The following NBEAL2 variants were observed in gnomAD, a reference collection of about 807,000 sequenced individuals.
NBEAL2 encodes the protein neurobeachin like 2.
NBEAL2 carries 160 observed loss-of-function variants against 299.8 expected under a neutral mutation model. That is an observed-to-expected ratio of 0.53 (90% CI 0.47 to 0.61). The LOEUF (loss-of-function observed/expected upper bound fraction) is 0.61. Ranked by LOEUF, NBEAL2 falls within the 20% of genes least tolerant of loss-of-function variation. NBEAL2 has a pLI of 0.00. For synonymous variants in NBEAL2, 1,493 were observed against 1,542.3 expected, an observed-to-expected ratio of 0.97 and a Z score of 0.75; for missense variants, 3,112 against 3,649.0, an observed-to-expected ratio of 0.85 and a Z score of 3.79.
In NBEAL2 at chr3:46,989,586, C is replaced by G; in HGVS notation, c.549C>G (p.Phe183Leu). The change falls in exon 6 of 54, where the codon TTC (phenylalanine) becomes TTG (leucine). Residue 183 changes from phenylalanine to leucine, a missense_variant. By Grantham distance (22) the Phe-to-Leu change is conservative. Coordinates refer to ENST00000450053, the MANE Select transcript of NBEAL2 (RefSeq NM_015175.3). This position sits in a 1 kb window ranked among gnomAD's most constrained non-coding sequence, Gnocchi z 5.5. ...PAALPQEFSAFFQESLQNADH... is the reference protein window; with the variant it reads ...PAALPQEFSALFQESLQNADH... ...CTTTGCCCCAGGAATTCAGCGCCTT[C>G]TTCCAAGGTCAGGCCCCGCCCCTGC... 6.3e-7 allele frequency: 1 copy of G among 1,589,458 alleles called. No individual in the cohort carries two copies. The highest frequency in any genetic ancestry group is 2.3e-5 in the East Asian group (1 of 43,570).
chr3:46,991,383 C>A lies in NBEAL2; in HGVS notation c.643-23C>A. 6.3e-7 allele frequency: 1 copy of A among 1,590,670 alleles called. No homozygotes were observed. The highest frequency in any genetic ancestry group is 8.6e-7 in the Non-Finnish European group (1 of 1,167,866). On this transcript the variant is annotated intron_variant, in intron 7 of 53. Transcript: ENST00000450053. The surrounding 1 kb of genome is among the most constrained non-coding windows in gnomAD (Gnocchi z 6.2). ...TGCTGGGTGAGCCCCTTGCCCACTG[C>A]CCATCTCTGTCCACACCTGCAGGAG...
intron 12 of NBEAL2, 65 bp from the exon 13 acceptor site, chr3:46,994,967 C>A: frequency 6.8e-7 from 1 of 1,475,334 alleles, no homozygotes; most frequent in Non-Finnish European, 9.0e-7. Flanking sequence ...TAAATGGAGC[C>A]AGAAAGTCCC....
intron 32 of NBEAL2, 26 bp from the exon 33 acceptor site, chr3:47,002,619 G>A (rs1293354316): frequency 8.1e-6 from 13 of 1,608,134 alleles, no homozygotes; most frequent in Non-Finnish European, 1.1e-5. Flanking sequence ...AGCAGCCAGG[G>A]GACTGACCTA....
chr3:47,005,984 C>T lies in NBEAL2; in HGVS notation c.6840C>T (p.Ile2280=), dbSNP rs200347383. ...TGTCTGCACACCTACACGAGTGGAT[C>T]GACCTCATCTTTGGCTACAAGCAGC... The part of the protein sequence containing the change: ...EYVSAHLHEW[I]DLIFGYKQRG... Residue 2280 remains isoleucine, a synonymous_variant, in exon 43 of 54, where the codon ATC becomes ATT. Coordinates refer to ENST00000450053, the MANE Select transcript of NBEAL2 (RefSeq NM_015175.3). 28 of 1,613,740 alleles carry T rather than the reference C, an allele frequency of 1.7e-5. No individual in the cohort carries two copies. The East Asian group carries it at 3.1e-4, about 18-fold the overall frequency.
At position 46,989,002 on chromosome 3, in the gene NBEAL2, C is replaced by T. The variant is rs1363199411; in HGVS notation, c.269+32C>T. On this transcript the variant is annotated intron_variant, in intron 3 of 53. Transcript: ENST00000450053. The surrounding 1 kb of genome is among the most constrained non-coding windows in gnomAD (Gnocchi z 5.5). ...CTGTTGTCCACTCTACAAGCAGGGG[C>T]CTAGAACTGTGGGCCAGAGGGAGAG... 3 of 1,612,370 alleles carry T rather than the reference C, an allele frequency of 1.9e-6. No homozygotes were observed. The South Asian group carries it at 3.3e-5, about 18-fold the overall frequency.
chr3:46,980,055 G>A (rs1316269395), intron 1 of NBEAL2, 143 bp downstream of exon 1: 7 of 158,064 alleles, frequency 4.4e-5, no homozygotes, highest in Non-Finnish European at 2.8e-5. Flanking sequence ...GCATGCTCCG[G>A]CTCCGCACAC....
In NBEAL2 at chr3:47,004,817, G is replaced by A. The variant is rs572128028; in HGVS notation, c.6295-155G>A. Reference sequence around the variant, plus strand: ...TTCCTCAAAAGGAATCCTGTTCCAGGACACTCTGTCCTTCTCCCCTGTGAC... The same window carrying A: ...TTCCTCAAAAGGAATCCTGTTCCAGAACACTCTGTCCTTCTCCCCTGTGAC... On this transcript the variant is annotated intron_variant, in intron 38 of 53. Coordinates refer to ENST00000450053, the MANE Select transcript of NBEAL2 (RefSeq NM_015175.3). This position sits in a 1 kb window ranked among gnomAD's most constrained non-coding sequence, Gnocchi z 5.0. 6.6e-6 allele frequency: 8 copies of A among 1,212,372 alleles called. No individual in the cohort carries two copies. In the East Asian group the frequency reaches 1.5e-4, roughly 23 times the overall value. 75.1% of individuals were successfully genotyped at this position (1,212,372 alleles called of 1,614,324 possible).
In NBEAL2 at chr3:47,007,655, C is replaced by A. The variant is rs774585045; in HGVS notation, c.7465C>A (p.Leu2489Ile). Residue 2489 changes from leucine to isoleucine, a missense_variant, in exon 48 of 54, where the codon CTA (leucine) becomes ATA (isoleucine). Physicochemically the swap from Leu to Ile is conservative, Grantham distance 5. This residue lies in a region of NBEAL2 where 348 missense variants were observed against 381.4 expected (regional missense o/e 0.91). Transcript: ENST00000450053. ...HWDGSLRVTA[L>I]PRGKLLSQLS... ...GGATGGCAGCCTGCGGGTGACTGCA[C>A]TACCCCGTGGCAAGCTGTTGAGCCA... 3 of 1,610,954 alleles carry A rather than the reference C, an allele frequency of 1.9e-6. No individual in the cohort carries two copies. The highest frequency in any genetic ancestry group is 2.5e-6 in the Non-Finnish European group (3 of 1,178,842).
Position 46,999,317 on chromosome 3 carries a change from C to G in NBEAL2, c.3546C>G (p.Ile1182Met). Reference protein sequence around the residue: ...LPLLPDRVCKILRRLQQNERL... With the variant: ...LPLLPDRVCKMLRRLQQNERL... ...GTCCTCCGATGACCCCCACACAGAT[C>G]CTGCGCAGACTGCAGCAGAATGAGC... Residue 1182 changes from isoleucine to methionine, a missense_variant and splice_region_variant, in exon 25 of 54, where the codon ATC becomes ATG. Physicochemically the swap from Ile to Met is conservative, Grantham distance 10. Coordinates refer to ENST00000450053, the MANE Select transcript of NBEAL2 (RefSeq NM_015175.3). The G allele has an allele frequency of 6.2e-7, 1 of 1,607,906 alleles. No individual in the cohort carries two copies. The highest frequency in any genetic ancestry group is 8.5e-7 in the Non-Finnish European group (1 of 1,177,006).
intron 20 of NBEAL2, 58 bp from the exon 21 acceptor site, chr3:46,998,009 G>T: frequency 2.0e-6 from 3 of 1,501,834 alleles, no homozygotes; most frequent in Admixed American, 2.1e-5. Flanking sequence ...CAGCTGAAAA[G>T]CTCAGACAGC....
Position 47,000,955 on chromosome 3 carries a change from T to C in NBEAL2, c.4306-46T>C, listed in dbSNP as rs2036929017. The C allele has an allele frequency of 6.4e-7, 1 of 1,555,878 alleles. No individual in the cohort carries two copies. The highest frequency in any genetic ancestry group is 8.7e-7 in the Non-Finnish European group (1 of 1,149,884). Reference sequence around the variant, plus strand: ...GTGGGCGTCAGCCTGATTCCCTCCCTTAGCCGCCCACAACCCACGCCCACA... The same window carrying C: ...GTGGGCGTCAGCCTGATTCCCTCCCCTAGCCGCCCACAACCCACGCCCACA... On this transcript the variant is annotated intron_variant, in intron 27 of 53. Transcript: ENST00000450053. This position sits in a 1 kb window ranked among gnomAD's most constrained non-coding sequence, Gnocchi z 4.5.
At position 46,982,379 on chromosome 3, in the gene NBEAL2, G is replaced by C. The variant is rs964821945; in HGVS notation, c.51+2467G>C. On this transcript the variant is annotated intron_variant, in intron 1 of 53. Transcript: ENST00000450053. The surrounding 1 kb of genome is among the most constrained non-coding windows in gnomAD (Gnocchi z 4.2). The stretch of plus-strand genomic sequence containing the variant: ...GTGGGTCTGGGTGGGGATGGAGAGG[G>C]GGGAGTAACTCCTTCCTGCCCTTCC... Among the ~76,000 whole-genome samples the C allele has an allele frequency of 2.0e-5, 3 of 152,070 alleles. No individual in the cohort carries two copies. The highest frequency in any genetic ancestry group is 7.2e-5 in the African/African-American group (3 of 41,402).
At chr3:46,981,892 T>G (rs6442051) in intron 1 of NBEAL2, 11,687 of 152,324 alleles carry the variant, frequency 0.077, 1,484 homozygotes, top group African/African-American at 0.26. Flanking sequence ...TGGTTATGGC[T>G]CATATCTGTG....
chr3:47,004,996 G>A lies in NBEAL2; in HGVS notation c.6319G>A (p.Val2107Met), dbSNP rs759177857. Reference sequence around the variant, plus strand: ...GTTCCCCTGGGTCCTGCAGGACTACGTGTCCCCAACCCTGGACCTCAGCAA... The same window carrying A: ...GTTCCCCTGGGTCCTGCAGGACTACATGTCCCCAACCCTGGACCTCAGCAA... ...PVFPWVLQDYVSPTLDLSNPA... is the reference protein window; with the variant it reads ...PVFPWVLQDYMSPTLDLSNPA... Residue 2107 changes from valine to methionine, a missense_variant, in exon 39 of 54, where the codon GTG becomes ATG. This residue lies in a region of NBEAL2 where 521 missense variants were observed against 729.6 expected (regional missense o/e 0.71). Coordinates refer to ENST00000450053, the MANE Select transcript of NBEAL2 (RefSeq NM_015175.3). The surrounding 1 kb of genome is among the most constrained non-coding windows in gnomAD (Gnocchi z 5.0). The A allele has an allele frequency of 2.6e-5, 42 of 1,610,374 alleles. No homozygotes were observed. Among genetic ancestry groups the A allele is most frequent in the Non-Finnish European group, 3.0e-5 (35 of 1,178,520 alleles).
At position 46,995,641 on chromosome 3, in the gene NBEAL2, A is replaced by G; in HGVS notation, c.1898+8A>G. On this transcript the variant is annotated splice_region_variant and intron_variant, in intron 13 of 53. Transcript: ENST00000450053. ...GCGAAAGCAGCTGTACAGGTGGGTG[A>G]CTGCCAGGGGCCAGGGACCTCCTGC... The G allele has an allele frequency of 6.2e-7, 1 of 1,609,188 alleles. No homozygotes were observed. Among genetic ancestry groups the G allele is most frequent in the Non-Finnish European group, 8.5e-7 (1 of 1,176,820 alleles).
chr3:47,002,133 C>T lies in NBEAL2; in HGVS notation c.4996C>T (p.Pro1666Ser). Residue 1666 changes from proline to serine, a missense_variant, in exon 31 of 54, where the codon CCA becomes TCA. This residue lies in a region of NBEAL2 where 2,243 missense variants were observed against 2,538.1 expected (regional missense o/e 0.88). Coordinates refer to ENST00000450053, the MANE Select transcript of NBEAL2 (RefSeq NM_015175.3). ...AAAERCSWLV[P>S]LVRTLLDRAY... ...TGCAGAGCGCTGCTCCTGGCTGGTG[C>T]CACTGGTGCGCACGCTGCTAGACCG... The T allele has an allele frequency of 6.4e-7, 1 of 1,550,588 alleles. No individual in the cohort carries two copies. Among genetic ancestry groups the T allele is most frequent in the Admixed American group, 2.0e-5 (1 of 51,000 alleles).
rs1312961009 is a variant in NBEAL2, at chr3:47,002,671, G to A, written c.5328G>A (p.Arg1776=). Residue 1776 remains arginine, a synonymous_variant, in exon 33 of 54, where the codon AGG becomes AGA. Transcript: ENST00000450053. ...AGCTGGTGCTGGAACCTGCGCAGAG[G>A]CGGGCGCGCCTGGAGGGGCTACGCT... ...FQELVLEPAQ[R]RARLEGLRYT... 2 of 1,608,348 alleles carry A rather than the reference G, an allele frequency of 1.2e-6. No individual in the cohort carries two copies. The highest frequency in any genetic ancestry group is 1.1e-5 in the South Asian group (1 of 90,414).
chr3:47,001,856 G>A lies in NBEAL2; in HGVS notation c.4782+30G>A, dbSNP rs1559610282. The A allele has an allele frequency of 3.1e-6, 5 of 1,611,256 alleles. No homozygotes were observed. Among genetic ancestry groups the A allele is most frequent in the Non-Finnish European group, 2.5e-6 (3 of 1,178,000 alleles). ...GCACAGGGTGAGCATGGGGGCAGGG[G>A]GCGTGTGAGATGTCGGGAGCTCCAA... On this transcript the variant is annotated intron_variant, in intron 30 of 53. Transcript: ENST00000450053. The surrounding 1 kb of genome is among the most constrained non-coding windows in gnomAD (Gnocchi z 6.1).
At chr3:46,987,499 G>C (rs1695922330) in intron 1 of NBEAL2, among the ~76,000 whole-genome samples, 1 of 152,256 alleles carries the variant, frequency 6.6e-6, no homozygotes, top group Admixed American at 6.5e-5. Context: ...TTAGAGATTA[G>C]AGCAGATACG....
Sources: allele counts gnomAD v4.1 joint callset (sites outside exome capture counted in the v4.1 genomes callset), GRCh38; gene constraint gnomAD v4.1.1; regional missense constraint gnomAD v4.1.1; non-coding constraint Gnocchi (gnomAD v3.1); transcripts MANE v1.5; gene names NCBI Gene and HGNC (gene_info 2026-07-23, HGNC 2026-07-21).